RFX3: variants seen among roughly 807,000 people sequenced by gnomAD.
RFX3 encodes transcription factor RFX3.
Under a neutral mutation model 98.6 loss-of-function variants are expected in RFX3, and 14 were observed. The observed-to-expected ratio is 0.14, with a 90% CI of 0.09 to 0.22. The LOEUF is 0.22. RFX3 is among the 10% of genes least tolerant of loss of function. RFX3 has a pLI of 1.00. For missense variants in RFX3, 639 were observed against 926.9 expected (o/e 0.69, Z 4.03); for synonymous variants, 383 against 328.4 (o/e 1.17, Z -1.80).
At chr9:3,504,166 TATATTATATATTATAC>T (rs1326391805) in intron 1 of RFX3, among the ~76,000 whole-genome samples, 10 of 97,370 alleles carry the variant, frequency 1.0e-4, no homozygotes, top group Admixed American at 7.2e-4. Flanking sequence ...ATATATTATA[TATATTATATATTATAC>T]ATATTATATA....
chr9:3,496,843 T>C (rs1163846311), intron 1 of RFX3, among the ~76,000 whole-genome samples: 1 of 152,020 alleles, frequency 6.6e-6, no homozygotes, highest in Non-Finnish European at 1.5e-5. Flanking sequence ...TTAAAAAAAT[T>C]ACACTAAATA....
intron 1 of RFX3, among the ~76,000 whole-genome samples, chr9:3,507,745 C>T (rs1817243571): frequency 6.6e-6 from 1 of 151,916 alleles, no homozygotes; most frequent in Admixed American, 6.6e-5. Context: ...ATTCCTAATA[C>T]AATGTAAGTG....
intron 1 of RFX3, among the ~76,000 whole-genome samples, chr9:3,500,255 C>T (rs532694887): frequency 1.3e-5 from 2 of 151,808 alleles, no homozygotes; most frequent in South Asian, 2.1e-4. Flanking sequence ...ACTGAAACAG[C>T]GCATAGCAAA....
In RFX3 at chr9:3,263,098, C is replaced by T. The variant is rs778419626; in HGVS notation, c.1456-14G>A. 6.2e-7 allele frequency: 1 copy of T among 1,610,268 alleles called. No homozygotes were observed. The highest frequency in any genetic ancestry group is 1.7e-5 in the Admixed American group (1 of 59,452). The stretch of plus-strand genomic sequence containing the variant: ...TACAGCGGCAACCTGTAACGCAATC[C>T]AATTAAGTTGGGATTCTGTTTCCTC... On this transcript the variant is annotated splice_polypyrimidine_tract_variant and intron_variant, in intron 12 of 16. Transcript: ENST00000617270.
At chr9:3,380,270 T>G (rs1839037931) in intron 2 of RFX3, among the ~76,000 whole-genome samples, 1 of 152,188 alleles carries the variant, frequency 6.6e-6, no homozygotes, top group African/African-American at 2.4e-5. Flanking sequence ...AAACTAAGAC[T>G]GGTGGTACCC....
chr9:3,231,347 G>GA, intron 15 of RFX3, among the ~76,000 whole-genome samples: 1 of 152,072 alleles, frequency 6.6e-6, no homozygotes, highest in East Asian at 1.9e-4. Context: ...AGTTACAGAG[G>GA]AAAAAACACT....
At chr9:3,400,025 G>C (rs938884676) in intron 1 of RFX3, among the ~76,000 whole-genome samples, 2 of 151,670 alleles carry the variant, frequency 1.3e-5, no homozygotes, top group Non-Finnish European at 2.9e-5. Context: ...ACACAGAAAA[G>C]TAATACCCAA....
intron 1 of RFX3, among the ~76,000 whole-genome samples, chr9:3,463,242 T>C (rs1847872528): frequency 6.6e-6 from 1 of 152,154 alleles, no homozygotes; most frequent in African/African-American, 2.4e-5. Flanking sequence ...CAACTGATTT[T>C]TCAATGAAAA....
intron 1 of RFX3, among the ~76,000 whole-genome samples, chr9:3,468,881 T>C (rs1426972351): frequency 1.3e-5 from 2 of 150,982 alleles, no homozygotes; most frequent in Non-Finnish European, 3.0e-5. Context: ...TACAAAATAT[T>C]AAACATTCTA....
intron 4 of RFX3, among the ~76,000 whole-genome samples, chr9:3,325,744 A>T (rs1243370057): frequency 6.6e-6 from 1 of 152,184 alleles, no homozygotes; most frequent in Admixed American, 6.5e-5. Flanking sequence ...CACCAAAAAA[A>T]ATCACTAACT....
At chr9:3,407,750 TA>T (rs1023830073) in intron 1 of RFX3, among the ~76,000 whole-genome samples, 4 of 152,142 alleles carry the variant, frequency 2.6e-5, no homozygotes, top group Non-Finnish European at 5.9e-5. Context: ...GATCATCCTC[TA>T]AAAAATATCT....
Position 3,418,914 on chromosome 9 carries a change from T to G in RFX3, c.-8-23318A>C, listed in dbSNP as rs925880706. Among the ~76,000 whole-genome samples, 5 of 152,220 alleles carry G rather than the reference T, an allele frequency of 3.3e-5. No individual in the cohort carries two copies. The East Asian group carries it at 7.7e-4, about 23-fold the overall frequency. On this transcript the variant is annotated intron_variant, in intron 1 of 16. Transcript: ENST00000617270. ...ATGTATTACATGGAGTGTTTTTGGA[T>G]TAACCAATACATTTAATAATATCAC...
At chr9:3,480,843 G>C (rs1420059717) in intron 1 of RFX3, among the ~76,000 whole-genome samples, 1 of 152,066 alleles carries the variant, frequency 6.6e-6, no homozygotes, top group African/African-American at 2.4e-5. Flanking sequence ...TAAGAGCTTT[G>C]AAAGCTGTAA....
At chr9:3,423,138 C>T (rs919851123) in intron 1 of RFX3, among the ~76,000 whole-genome samples, 4 of 152,152 alleles carry the variant, frequency 2.6e-5, no homozygotes, top group Non-Finnish European at 5.9e-5. Context: ...TTCTATTCAA[C>T]TTTAAAACAA....
At chr9:3,453,584 C>CCCGTAAT (rs1302945605) in intron 1 of RFX3, 1 of 153,436 alleles carries the variant, frequency 6.5e-6, no homozygotes, top group African/African-American at 2.4e-5. Context: ...GTGGCACATG[C>CCCGTAAT]CCGTAATCCC....
intron 14 of RFX3, among the ~76,000 whole-genome samples, chr9:3,252,799 TAA>T (rs964190415): frequency 1.3e-5 from 2 of 151,834 alleles, no homozygotes; most frequent in African/African-American, 4.8e-5. Flanking sequence ...GTTGGAAGTT[TAA>T]AAAAAAATTT....
At chr9:3,366,710 CTTTCTTTCTTTCT>C (rs1337366820) in intron 2 of RFX3, among the ~76,000 whole-genome samples, 1 of 91,940 alleles carries the variant, frequency 1.1e-5, no homozygotes, top group Non-Finnish European at 2.2e-5. Context: ...TTCTTTCTTT[CTTTCTTTCTTTCT>C]TTCTTTCTTT....
At chr9:3,510,162 G>A (rs1211293784) in intron 1 of RFX3, among the ~76,000 whole-genome samples, 3 of 151,944 alleles carry the variant, frequency 2.0e-5, no homozygotes. Flanking sequence ...ATAGTAAACG[G>A]AAAGTGGAAT....
At chr9:3,522,735 T>C (rs1818848050) in intron 1 of RFX3, among the ~76,000 whole-genome samples, 1 of 152,132 alleles carries the variant, frequency 6.6e-6, no homozygotes, top group Admixed American at 6.5e-5. Flanking sequence ...ATATCAACTT[T>C]CTCAAGAAAT....
Sources: allele counts gnomAD v4.1 joint callset (sites outside exome capture counted in the v4.1 genomes callset), GRCh38; gene constraint gnomAD v4.1.1; transcripts MANE v1.5; gene names NCBI Gene and HGNC (gene_info 2026-07-23, HGNC 2026-07-21).